Variants in WASHC5 observed in about 807,000 individuals in gnomAD.
The protein encoded by WASHC5 is WASH complex subunit 5, also known as WASH complex subunit strumpellin.
In WASHC5, 101 loss-of-function variants were observed where a neutral mutation model predicts 150.4. That is an observed-to-expected ratio of 0.67 (90% CI 0.57 to 0.79). The LOEUF (loss-of-function observed/expected upper bound fraction) is 0.79, where lower values mean the gene tolerates loss of function less well. Among genes scored for constraint, WASHC5 ranks in the 30% least tolerant of loss-of-function variants. The pLI is 0.00. For missense variants in WASHC5, 1,195 were observed against 1,396.3 expected, an observed-to-expected ratio of 0.86 and a Z score of 2.30; for synonymous variants, 467 against 491.2, an observed-to-expected ratio of 0.95 and a Z score of 0.65.
At chr8:125,089,345 T>C (rs954031550) in intron 1 of WASHC5, among the ~76,000 whole-genome samples, 1 of 152,118 alleles carries the variant, frequency 6.6e-6, no homozygotes, top group African/African-American at 2.4e-5. Context: ...GGAAGAAGAA[T>C]TGTCTTGAGC....
intron 28 of WASHC5, 125 bp downstream of exon 28, chr8:125,028,495 G>C (rs1815434795): frequency 7.3e-6 from 5 of 685,678 alleles, no homozygotes; most frequent in Non-Finnish European, 1.3e-5. Flanking sequence ...GTAGAGCAGT[G>C]GCGAGAGGCG....
intron 25 of WASHC5, 101 bp downstream of exon 25, chr8:125,038,729 T>C (rs1286470794): frequency 1.1e-5 from 16 of 1,422,932 alleles, no homozygotes; most frequent in Non-Finnish European, 1.5e-5. Flanking sequence ...CTCTGGGGTC[T>C]GAACCCAGGT....
In WASHC5 at chr8:125,075,400, G is replaced by C. The variant is rs114412823; in HGVS notation, c.865-289C>G. On this transcript the variant is annotated intron_variant, in intron 7 of 28. Transcript: ENST00000318410. ...TTCTCACCAGTTGTTTTATTGGTTG[G>C]CAATTGCCTGGGATATCTTTTTTTA... 8.5e-3 allele frequency among the ~76,000 whole-genome samples: 1,278 copies of C among 150,664 alleles called. 20 individuals are homozygous for C. The highest frequency in any genetic ancestry group is 0.029 in the African/African-American group (1,182 of 40,190).
chr8:125,080,060 G>A (rs748710193), intron 5 of WASHC5, among the ~76,000 whole-genome samples: 61 of 152,130 alleles, frequency 4.0e-4, no homozygotes, highest in Admixed American at 9.2e-4. Flanking sequence ...TTTTCCGGGT[G>A]GAATAGTAAG....
chr8:125,091,719 C>G lies in WASHC5; in HGVS notation c.-229G>C, dbSNP rs1475508501. On this transcript the variant is annotated 5_prime_UTR_variant, in exon 1 of 29. Coordinates refer to ENST00000318410, the MANE Select transcript of WASHC5 (RefSeq NM_014846.4). ...CTCAAGGCGGCGGTCCTCTTCTATC[C>G]GCAGTCCCGGACCTGGAGCGGGTCA... 2.6e-5 allele frequency: 4 copies of G among 152,326 alleles called. No homozygotes were observed. Among genetic ancestry groups the G allele is most frequent in the African/African-American group, 4.8e-5 (2 of 41,450 alleles). The allele number at this position is 152,326 out of a possible 1,614,324, so 9.4% of individuals were successfully genotyped here. A position where few individuals can be genotyped will look rare whatever the true frequency, so the allele number is the denominator to read the frequency against.
At position 125,024,652 on chromosome 8, in the gene WASHC5, T is replaced by C; in HGVS notation, c.3445A>G (p.Asn1149Asp). 6.2e-7 allele frequency: 1 copy of C among 1,611,002 alleles called. No individual in the cohort carries two copies. ...GTTCTGAACTCATCAAAAATGAAAT[T>C]AGGCACATGTGCTTCAGCAACCTGA... ...PRRVAEAHVP[N>D]FIFDEFRTVL Residue 1149 changes from asparagine to aspartate, a missense_variant, in exon 29 of 29, where the codon AAT (asparagine) becomes GAT (aspartate). This residue lies in a region of WASHC5 where 997 missense variants were observed against 1,168.1 expected (regional missense o/e 0.85). Coordinates refer to ENST00000318410, the MANE Select transcript of WASHC5 (RefSeq NM_014846.4).
chr8:125,062,600 G>A (rs1816629904), intron 11 of WASHC5, among the ~76,000 whole-genome samples: 1 of 152,076 alleles, frequency 6.6e-6, no homozygotes, highest in South Asian at 2.1e-4. Flanking sequence ...GTTATACGTT[G>A]GCTGGCTTTT....
intron 16 of WASHC5, among the ~76,000 whole-genome samples, chr8:125,056,317 T>C (rs754223515): frequency 3.5e-4 from 53 of 152,150 alleles, no homozygotes; most frequent in East Asian, 7.7e-4. Flanking sequence ...AAATGGTTAA[T>C]GGAATATAGA....
At chr8:125,084,699 T>C (rs1817368301) in intron 1 of WASHC5, among the ~76,000 whole-genome samples, 2 of 152,232 alleles carry the variant, frequency 1.3e-5, no homozygotes. Context: ...TGCTTACAGC[T>C]CATTCTGAAA....
intron 9 of WASHC5, among the ~76,000 whole-genome samples, chr8:125,068,072 C>T (rs1162429139): frequency 1.3e-5 from 2 of 152,206 alleles, no homozygotes; most frequent in Non-Finnish European, 2.9e-5. Context: ...GGGTGGCTTC[C>T]TCACGTCCTG....
intron 26 of WASHC5, among the ~76,000 whole-genome samples, chr8:125,036,702 A>C (rs990133716): frequency 1.4e-5 from 2 of 143,518 alleles, no homozygotes; most frequent in African/African-American, 3.0e-5. Context: ...TAAATAAATA[A>C]GTGTACTTAA....
At chr8:125,047,374 A>T in intron 19 of WASHC5, 43 bp from the exon 20 acceptor site, 1 of 1,576,702 alleles carries the variant, frequency 6.3e-7, no homozygotes, top group South Asian at 1.1e-5. Flanking sequence ...CTTTGATAAG[A>T]TAACCTAGTT....
At chr8:125,083,565 A>C (rs1817335615) in intron 2 of WASHC5, 148 bp downstream of exon 2, 2 of 657,690 alleles carry the variant, frequency 3.0e-6, no homozygotes, top group Non-Finnish European at 5.2e-6. Flanking sequence ...ACTTATTTTC[A>C]AGTTAGTAGC....
chr8:125,083,602 T>C (rs896078047), intron 2 of WASHC5, 111 bp downstream of exon 2: 1 of 861,134 alleles, frequency 1.2e-6, no homozygotes, highest in Non-Finnish European at 1.8e-6. Flanking sequence ...CGAAAAGCTC[T>C]TCTCTTTAGC....
chr8:125,083,040 A>C (rs936615833), intron 3 of WASHC5, 73 bp downstream of exon 3: 1 of 989,488 alleles, frequency 1.0e-6, no homozygotes, highest in African/African-American at 1.6e-5. Flanking sequence ...AGAGAGATTT[A>C]CACGTTGCTA....
intron 17 of WASHC5, among the ~76,000 whole-genome samples, chr8:125,052,639 C>CAT (rs1491241020): frequency 1.4e-5 from 2 of 146,950 alleles, no homozygotes. Context: ...CACACACACA[C>CAT]ATACATACAT....
At chr8:125,052,533 C>T (rs1180980062) in intron 17 of WASHC5, among the ~76,000 whole-genome samples, 1 of 151,584 alleles carries the variant, frequency 6.6e-6, no homozygotes, top group East Asian at 1.9e-4. Flanking sequence ...TGTATATGTA[C>T]AGAGACACGC....
chr8:125,082,750 A>G (rs944110048), intron 3 of WASHC5: 10 of 404,342 alleles, frequency 2.5e-5, no homozygotes, highest in Admixed American at 1.3e-4. Flanking sequence ...CTAGTCTAAA[A>G]GTTAATGAGT....
chr8:125,090,488 A>G (rs891845382), intron 1 of WASHC5, among the ~76,000 whole-genome samples: 3 of 152,216 alleles, frequency 2.0e-5, no homozygotes, highest in African/African-American at 2.4e-5. Flanking sequence ...AGTTTTCTCA[A>G]TACAGGCTAT....
Sources: allele counts gnomAD v4.1 joint callset (sites outside exome capture counted in the v4.1 genomes callset), GRCh38; gene constraint gnomAD v4.1.1; regional missense constraint gnomAD v4.1.1; transcripts MANE v1.5; gene names NCBI Gene and HGNC (gene_info 2026-07-23, HGNC 2026-07-21).